TENM4: variants seen among roughly 807,000 people sequenced by gnomAD.
TENM4 encodes the protein teneurin-4.
A neutral mutation model predicts 243.3 loss-of-function variants in TENM4; 82 were observed. The ratio of observed to expected loss-of-function variants is 0.34; its 90% CI spans 0.28 to 0.40. The LOEUF (loss-of-function observed/expected upper bound fraction) is 0.40. TENM4 is among the 10% of genes least tolerant of loss of function. The probability of loss-of-function intolerance (pLI) is 1.00; values close to 1 mark genes in which losing one functional copy is unlikely to be tolerated. For synonymous variants in TENM4, 1,412 were observed against 1,456.3 expected (o/e 0.97, Z 0.69); for missense variants, 3,138 against 3,673.3 (o/e 0.85, Z 3.77).
At chr11:79,080,091 C>T (rs1380404106) in intron 4 of TENM4, among the ~76,000 whole-genome samples, 1 of 152,234 alleles carries the variant, frequency 6.6e-6, no homozygotes, top group African/African-American at 2.4e-5. Flanking sequence ...AGCAATAGCT[C>T]TTCCAGACTG....
chr11:79,284,025 T>G (rs1357624936), intron 2 of TENM4, among the ~76,000 whole-genome samples: 1 of 152,158 alleles, frequency 6.6e-6, no homozygotes, highest in East Asian at 1.9e-4. Flanking sequence ...ATACTAAATA[T>G]TATAAAACAG....
rs375780212 is a variant in TENM4, at chr11:79,159,254, G to A, written c.-162-10448C>T. On this transcript the variant is annotated intron_variant, in intron 3 of 33. Transcript: ENST00000278550. The stretch of plus-strand genomic sequence containing the variant: ...TGTTATATCTTATCTTAGTCTACCC[G>A]GACTGCTGTGTCTAGGTTCAAACTA... Among the ~76,000 whole-genome samples, 213 of 152,124 alleles carry A rather than the reference G, an allele frequency of 1.4e-3. 1 individual carries two copies. Among genetic ancestry groups the A allele is most frequent in the South Asian group, 7.7e-3 (37 of 4,816 alleles).
chr11:79,365,195 T>C (rs1389643252), intron 1 of TENM4, among the ~76,000 whole-genome samples: 1 of 152,236 alleles, frequency 6.6e-6, no homozygotes, highest in East Asian at 1.9e-4. Flanking sequence ...ATAAGCACTA[T>C]ATCTACCCCA....
rs565385960 is a variant in TENM4, at chr11:78,674,062, C to T, written c.5497-1733G>A. 1.5e-4 allele frequency among the ~76,000 whole-genome samples: 23 copies of T among 152,268 alleles called. No homozygotes were observed. In the South Asian group the frequency reaches 1.9e-3, roughly 12 times the overall value. ...TTTTAAAGTATCTTTTGGAAGGTCC[C>T]GCTGTGACTCCCCTCAGGGTGGTGC... is the stretch of plus-strand genomic sequence containing the variant. On this transcript the variant is annotated intron_variant, in intron 30 of 33. Transcript: ENST00000278550.
intron 1 of TENM4, among the ~76,000 whole-genome samples, chr11:79,331,770 G>A (rs1857065394): frequency 6.6e-6 from 1 of 152,238 alleles, no homozygotes; most frequent in Non-Finnish European, 1.5e-5. Context: ...CCGGGCAGGG[G>A]AGCCTCGCAG....
chr11:79,119,715 A>T (rs1336048971), intron 4 of TENM4, among the ~76,000 whole-genome samples: 2 of 152,160 alleles, frequency 1.3e-5, no homozygotes, highest in Non-Finnish European at 2.9e-5. Context: ...TAGCCACAAC[A>T]GCCTCTTGCT....
chr11:78,960,035 G>C (rs1287046626), intron 6 of TENM4, among the ~76,000 whole-genome samples: 4 of 152,094 alleles, frequency 2.6e-5, no homozygotes, highest in Non-Finnish European at 5.9e-5. Flanking sequence ...GGGTACCTTA[G>C]AAATTGCTCC....
chr11:78,775,350 T>C (rs761350198), intron 17 of TENM4, among the ~76,000 whole-genome samples: 2 of 152,190 alleles, frequency 1.3e-5, no homozygotes, highest in Non-Finnish European at 2.9e-5. Flanking sequence ...TTTAGTGGGA[T>C]TGGGTCAATG....
At chr11:79,316,395 A>G (rs117741747) in intron 1 of TENM4, among the ~76,000 whole-genome samples, 377 of 152,350 alleles carry the variant, frequency 2.5e-3, no homozygotes, top group Non-Finnish European at 3.0e-3. Context: ...CAATGATTGA[A>G]TGAATATCAA....
At chr11:78,838,625 G>T (rs1171064730) in intron 12 of TENM4, among the ~76,000 whole-genome samples, 1 of 152,132 alleles carries the variant, frequency 6.6e-6, no homozygotes, top group Non-Finnish European at 1.5e-5. Flanking sequence ...TCCTCTAGGG[G>T]GCAGGCAGGT....
chr11:79,437,143 G>A (rs1859287480), intron 1 of TENM4, among the ~76,000 whole-genome samples: 1 of 152,222 alleles, frequency 6.6e-6, no homozygotes, highest in Non-Finnish European at 1.5e-5. Flanking sequence ...CCTCACCGGA[G>A]AAAACGGATT....
At chr11:79,136,210 T>C (rs1359756236) in intron 4 of TENM4, among the ~76,000 whole-genome samples, 1 of 151,898 alleles carries the variant, frequency 6.6e-6, no homozygotes, top group Middle Eastern at 3.2e-3. Context: ...AAAAACAAAT[T>C]TGGGGAAGAG....
At chr11:78,687,596 A>G (rs1858717540) in intron 29 of TENM4, among the ~76,000 whole-genome samples, 1 of 152,198 alleles carries the variant, frequency 6.6e-6, no homozygotes, top group Non-Finnish European at 1.5e-5. Flanking sequence ...TGATTTGACA[A>G]ATGCAAAGAA....
At chr11:78,689,273 C>G (rs1345597270) in intron 28 of TENM4, among the ~76,000 whole-genome samples, 1 of 152,184 alleles carries the variant, frequency 6.6e-6, no homozygotes, top group African/African-American at 2.4e-5. Flanking sequence ...TCAACACATG[C>G]GCTCCTCCCT....
intron 33 of TENM4, 21 bp from the exon 34 acceptor site, chr11:78,658,837 G>C: frequency 4.4e-6 from 7 of 1,598,242 alleles, no homozygotes; most frequent in Non-Finnish European, 6.0e-6. Flanking sequence ...AGGAGAGTGA[G>C]AGAGAGAGTA....
intron 17 of TENM4, among the ~76,000 whole-genome samples, chr11:78,776,461 A>G (rs1292759091): frequency 6.6e-6 from 1 of 152,072 alleles, no homozygotes; most frequent in Non-Finnish European, 1.5e-5. Context: ...CATATTTCCT[A>G]CCACTTAGGA....
In TENM4 at chr11:79,119,731, G is replaced by A. The variant is rs138943916; in HGVS notation, c.-66+28979C>T. On this transcript the variant is annotated intron_variant, in intron 4 of 33. Coordinates refer to ENST00000278550, the MANE Select transcript of TENM4 (RefSeq NM_001098816.3). ...AGCCACAACAGCCTCTTGCTCCAAT[G>A]GGGTAAGACTCTTCACACCCTGAGA... Among the ~76,000 whole-genome samples, 824 of 152,262 alleles carry A rather than the reference G, an allele frequency of 5.4e-3. 9 individuals carry two copies. Among genetic ancestry groups the A allele is most frequent in the African/African-American group, 0.019 (799 of 41,548 alleles).
At position 79,069,858 on chromosome 11, in the gene TENM4, G is replaced by C. The variant is rs753636753; in HGVS notation, c.87C>G (p.Ser29Arg). 6.5e-7 allele frequency: 1 copy of C among 1,550,054 alleles called. No individual in the cohort carries two copies. The highest frequency in any genetic ancestry group is 1.4e-5 in the African/African-American group (1 of 73,066). ...ERRYTSSSAD[S>R]EEGKAPQKSY... ...ATTTCTGCGGGGCTTTGCCCTCCTC[G>C]CTGTCCGCGGACGAGCTGGTGTAGC... Residue 29 changes from serine (S) to arginine (R), a missense_variant, in exon 5 of 34, where the codon AGC becomes AGG. Coordinates refer to ENST00000278550, the MANE Select transcript of TENM4 (RefSeq NM_001098816.3).
Position 78,854,156 on chromosome 11 carries a change from A to G in TENM4, c.1629T>C (p.Phe543=). ...CTTCTGACTCCTTTCCGTCATTGTA[A>G]AAAGCCAAGTGCCAGATTCCTGAAT... ...YLDSGIWHLA[F]YNDGKESEVV... is the part of the protein sequence containing the mutation. Residue 543 remains phenylalanine, a synonymous_variant, in exon 12 of 34, where the codon TTT becomes TTC. Transcript: ENST00000278550. The G allele has an allele frequency of 6.4e-7, 1 of 1,551,732 alleles. No homozygotes were observed. Among genetic ancestry groups the G allele is most frequent in the Non-Finnish European group, 8.7e-7 (1 of 1,146,984 alleles).
Sources: gnomAD v4.1 joint callset for allele counts (sites outside exome capture counted in the v4.1 genomes callset) on GRCh38, gnomAD v4.1.1 for gene constraint, MANE v1.5 for transcripts, NCBI Gene and HGNC (gene_info 2026-07-23, HGNC 2026-07-21) for gene names.